TARM1: variants seen among roughly 807,000 people sequenced by gnomAD.
TARM1 encodes the protein T cell-interacting, activating receptor on myeloid cells 1.
In TARM1, 24 loss-of-function variants were observed where a neutral mutation model predicts 30.4. The observed-to-expected ratio is 0.79, with a 90% CI of 0.57 to 1.11. The LOEUF (loss-of-function observed/expected upper bound fraction) is 1.11, where lower values mean the gene tolerates loss of function less well. Among genes scored for constraint, TARM1 ranks in the 50% least tolerant of loss-of-function variants. The pLI is 0.00. For missense variants in TARM1, 323 were observed against 332.8 expected, an observed-to-expected ratio of 0.97 and a Z score of 0.23; for synonymous variants, 129 against 138.9, an observed-to-expected ratio of 0.93 and a Z score of 0.50.
chr19:54,069,959 G>T lies in TARM1; in HGVS notation c.*44C>A. 6.8e-7 allele frequency: 1 copy of T among 1,466,806 alleles called. No individual in the cohort carries two copies. Among genetic ancestry groups the T allele is most frequent in the Non-Finnish European group, 9.3e-7 (1 of 1,074,162 alleles). The allele number at this position is 1,466,806 out of a possible 1,614,324, so 90.9% of individuals were successfully genotyped here. On this transcript the variant is annotated 3_prime_UTR_variant, in exon 5 of 5. Transcript: ENST00000432826. ...CTCAACCCCCTGGGAATGCAGTCCA[G>T]CAGGTTGCAGCCTCAGTTTACCCAG...
Position 54,070,080 on chromosome 19 carries a change from T to C in TARM1, c.739A>G (p.Met247Val), listed in dbSNP as rs1340005330. 5.2e-6 allele frequency: 8 copies of C among 1,551,508 alleles called. No individual in the cohort carries two copies. Among genetic ancestry groups the C allele is most frequent in the Non-Finnish European group, 6.1e-6 (7 of 1,146,992 alleles). ...LGLAAVIVVI[M>V]GAFLVEAWYS... is the part of the protein sequence containing the mutation. ...CAGGCCTCCACCAGGAAAGCTCCCA[T>C]GATAACCACAATTACGGCAGCCAGA... Residue 247 changes from methionine (M) to valine (V), a missense_variant, in exon 5 of 5, where the codon ATG (methionine) becomes GTG (valine). Met to Val is a conservative substitution (Grantham distance 21, BLOSUM62 1). Transcript: ENST00000432826.
At chr19:54,080,457 CA>C (rs1246417665) in intron 1 of TARM1, among the ~76,000 whole-genome samples, 12 of 6,836 alleles carry the variant, frequency 1.8e-3, no homozygotes, top group South Asian at 6.3e-3. Flanking sequence ...GACTCCATCT[CA>C]AAAAAAAAAA....
rs1568511809 is a variant in TARM1, at chr19:54,080,121, AAGG to A, written c.34+1183_34+1185del. 4.2e-3 allele frequency among the ~76,000 whole-genome samples: 179 copies of A among 42,356 alleles called. 11 individuals are homozygous for A. The highest frequency in any genetic ancestry group is 0.013 in the African/African-American group (167 of 12,486). 27.8% of individuals were successfully genotyped at this position (42,356 alleles called of 152,430 possible). On this transcript the variant is annotated intron_variant, in intron 1 of 4. Transcript: ENST00000432826. ...GAAGGAAGGAAGGAAGGAAGGAAGG[AAGG>A]AAGGAAGGAAGGAAGAAAGCAAGCA...
chr19:54,074,215 T>A lies in TARM1; in HGVS notation c.363A>T (p.Gly121=). ...TTCGGAGGAAAGGTTTAGATAAATG[T>A]CCTGTAAGAGAAGTCAGGTTCTGAG... ...HSDVLLLLVT[G]HLSKPFLRTY... Residue 121 remains glycine, a splice_region_variant and synonymous_variant, in exon 4 of 5, where the codon GGA becomes GGT. Transcript: ENST00000432826. 1.9e-6 allele frequency: 3 copies of A among 1,549,574 alleles called. No homozygotes were observed. In the South Asian group the frequency reaches 3.6e-5, roughly 18 times the overall value.
intron 4 of TARM1, among the ~76,000 whole-genome samples, chr19:54,070,766 C>T (rs937011317): frequency 6.6e-6 from 1 of 151,640 alleles, no homozygotes; most frequent in Non-Finnish European, 1.5e-5. Context: ...GCATGTGCCA[C>T]CACACCCGGC....
chr19:54,074,197 G>C lies in TARM1; in HGVS notation c.381C>G (p.Phe127Leu), dbSNP rs1398596467. 1.3e-6 allele frequency: 2 copies of C among 1,551,454 alleles called. 1 individual carries two copies. The highest frequency in any genetic ancestry group is 1.7e-6 in the Non-Finnish European group (2 of 1,146,894). The change falls in exon 4 of 5, where the codon TTC becomes TTG. Residue 127 changes from phenylalanine to leucine, a missense_variant. Transcript: ENST00000432826. ...CTGTACCCCTTTGGTAGGTTCGGAG[G>C]AAAGGTTTAGATAAATGTCCTGTAA... The part of the protein sequence containing the change: ...LLVTGHLSKP[F>L]LRTYQRGTVT...
At chr19:54,080,305 G>A (rs1425126172) in intron 1 of TARM1, among the ~76,000 whole-genome samples, 3 of 150,104 alleles carry the variant, frequency 2.0e-5, no homozygotes, top group Non-Finnish European at 4.5e-5. Flanking sequence ...TGAAACCTAC[G>A]AAAAAAGCCG....
At chr19:54,078,178 C>CTTT (rs869101071) in intron 1 of TARM1, among the ~76,000 whole-genome samples, 24 of 67,806 alleles carry the variant, frequency 3.5e-4, no homozygotes, top group Admixed American at 8.7e-4. Context: ...TTCTTTCTTT[C>CTTT]TTTTTTTTTT....
chr19:54,076,762 T>A (rs1173059854), intron 1 of TARM1, among the ~76,000 whole-genome samples: 3 of 151,896 alleles, frequency 2.0e-5, no homozygotes, highest in African/African-American at 7.3e-5. Context: ...TGGCTCACTG[T>A]AGCCTCCCAG....
chr19:54,081,200 TG>T (rs1282120788), intron 1 of TARM1, 106 bp downstream of exon 1: 1 of 1,064,104 alleles, frequency 9.4e-7, no homozygotes, highest in Non-Finnish European at 1.4e-6. Flanking sequence ...ACTCCTCCCG[TG>T]TGCTCAGTAA....
At chr19:54,074,290 G>A (rs1477246777) in intron 3 of TARM1, 74 bp from the exon 4 acceptor site, 48 of 1,386,206 alleles carry the variant, frequency 3.5e-5, no homozygotes, top group Admixed American at 6.3e-5. Context: ...TCTCCTGGCC[G>A]GAGGCTCTCG....
intron 4 of TARM1, among the ~76,000 whole-genome samples, chr19:54,073,016 C>T (rs587753744): frequency 1.4e-4 from 21 of 151,986 alleles, no homozygotes; most frequent in East Asian, 7.8e-4. Context: ...AAAACCAAAA[C>T]GCTAAGAGAT....
In TARM1 at chr19:54,080,139, G is replaced by GC. The variant is rs2072075952; in HGVS notation, c.34+1167_34+1168insG. On this transcript the variant is annotated intron_variant, in intron 1 of 4. Coordinates refer to ENST00000432826, the MANE Select transcript of TARM1 (RefSeq NM_001135686.3). Reference sequence around the variant, plus strand: ...AGGAAGGAAGGAAGGAAGGAAGGAAGAAAGCAAGCAAGCAAGCAAGCAAGC... The same window carrying GC: ...AGGAAGGAAGGAAGGAAGGAAGGAAGCAAAGCAAGCAAGCAAGCAAGCAAGC... Among the ~76,000 whole-genome samples, 4 of 78,656 alleles carry GC rather than the reference G, an allele frequency of 5.1e-5. 1 individual carries two copies. The highest frequency in any genetic ancestry group is 8.2e-5 in the Non-Finnish European group (3 of 36,508). The allele number at this position is 78,656 out of a possible 152,430, so 51.6% of individuals were successfully genotyped here.
At chr19:54,074,277 T>C (rs898802200) in intron 3 of TARM1, 61 bp from the exon 4 acceptor site, 9 of 1,461,530 alleles carry the variant, frequency 6.2e-6, no homozygotes, top group Middle Eastern at 1.8e-4. Context: ...CACTCACCCC[T>C]GTTCTCCTGG....
At position 54,074,977 on chromosome 19, in the gene TARM1, G is replaced by A. The variant is rs1189526544; in HGVS notation, c.208C>T (p.Pro70Ser). Residue 70 changes from proline (P) to serine (S), a missense_variant, in exon 3 of 5, where the codon CCG (proline) becomes TCG (serine). By Grantham distance (74) the Pro-to-Ser change is moderately conservative. Transcript: ENST00000432826. ...CCCTCTGTAGAATCAAGGGGCTTCG[G>A]GGACTCCAGAATAATTCCTCCCTTC... ...LRKGGIILES[P>S]KPLDSTEGAA... The A allele has an allele frequency of 3.2e-6, 5 of 1,551,292 alleles. No homozygotes were observed. Among genetic ancestry groups the A allele is most frequent in the Non-Finnish European group, 4.4e-6 (5 of 1,146,954 alleles).
chr19:54,080,066 G>A (rs745688166), intron 1 of TARM1, among the ~76,000 whole-genome samples: 65 of 117,058 alleles, frequency 5.6e-4, no homozygotes, highest in Non-Finnish European at 8.6e-4. Flanking sequence ...GAGAGAGGAA[G>A]GAAGGAATGA....
chr19:54,074,440 T>C (rs587763256), intron 3 of TARM1, among the ~76,000 whole-genome samples: 1 of 152,048 alleles, frequency 6.6e-6, no homozygotes, highest in African/African-American at 2.4e-5. Context: ...CCCAGCACTT[T>C]GGGAGGCCAA....
At position 54,080,019 on chromosome 19, in the gene TARM1, G is replaced by GGGAAGGAAGGAAGGAAGGAAGGAAGGAA. The variant is rs71195717; in HGVS notation, c.34+1260_34+1287dup. Among the ~76,000 whole-genome samples, 369 of 83,136 alleles carry GGGAAGGAAGGAAGGAAGGAAGGAAGGAA rather than the reference G, an allele frequency of 4.4e-3. 4 individuals carry two copies. Among genetic ancestry groups the GGGAAGGAAGGAAGGAAGGAAGGAAGGAA allele is most frequent in the African/African-American group, 0.013 (246 of 18,716 alleles). 54.5% of individuals were successfully genotyped at this position (83,136 alleles called of 152,430 possible). Reference sequence around the variant, plus strand: ...CTTTGTCTCAAAAAAAGGAAAAGGAGGGAAGGAAGGAAGGAAGGAAGGAAG... The same window carrying GGGAAGGAAGGAAGGAAGGAAGGAAGGAA: ...CTTTGTCTCAAAAAAAGGAAAAGGAGGGAAGGAAGGAAGGAAGGAAGGAAGGAAGGAAGGAAGGAAGGAAGGAAGGAAG... On this transcript the variant is annotated intron_variant, in intron 1 of 4. Coordinates refer to ENST00000432826, the MANE Select transcript of TARM1 (RefSeq NM_001135686.3).
intron 3 of TARM1, 108 bp from the exon 4 acceptor site, chr19:54,074,324 C>G (rs1323578223): frequency 3.8e-6 from 4 of 1,050,064 alleles, no homozygotes; most frequent in Non-Finnish European, 5.5e-6. Context: ...ATGAGAGATT[C>G]CTGATCTCTT....
Sources: gnomAD v4.1 joint callset for allele counts (sites outside exome capture counted in the v4.1 genomes callset) on GRCh38, gnomAD v4.1.1 for gene constraint, MANE v1.5 for transcripts, NCBI Gene and HGNC (gene_info 2026-07-23, HGNC 2026-07-21) for gene names.